The following LARGE1 variants were observed in gnomAD, a reference collection of about 807,000 sequenced individuals.
The protein encoded by LARGE1 is LARGE xylosyl- and glucuronyltransferase 1.
LARGE1 carries 43 observed loss-of-function variants against 87.6 expected under a neutral mutation model. The observed-to-expected ratio is 0.49, with a 90% confidence interval of 0.38 to 0.63. The LOEUF is 0.63. LARGE1 is among the 30% of genes least tolerant of loss of function. The probability of loss-of-function intolerance (pLI) is 0.00; values close to 1 mark genes in which losing one functional copy is unlikely to be tolerated. For missense variants in LARGE1, 802 were observed against 1,000.2 expected, an observed-to-expected ratio of 0.80 and a Z score of 2.67; for synonymous variants, 434 against 394.6, an observed-to-expected ratio of 1.10 and a Z score of -1.18.
rs535959406 is a variant in LARGE1, at chr22:33,621,170, A to G, written c.491+5074T>C. Among the ~76,000 whole-genome samples the G allele has an allele frequency of 2.6e-5, 4 of 152,370 alleles. No homozygotes were observed. The East Asian group carries it at 7.7e-4, about 29-fold the overall frequency. Reference sequence around the variant, plus strand: ...TTCAAAACTGAGTACATGGTTTACCATAAGAGAATGTTCCATTATTTATTC... The same window carrying G: ...TTCAAAACTGAGTACATGGTTTACCGTAAGAGAATGTTCCATTATTTATTC... On this transcript the variant is annotated intron_variant, in intron 4 of 14. Transcript: ENST00000397394.
At chr22:33,823,764 C>A (rs1333345917) in intron 1 of LARGE1, among the ~76,000 whole-genome samples, 4 of 152,166 alleles carry the variant, frequency 2.6e-5, no homozygotes, top group Non-Finnish European at 5.9e-5. Flanking sequence ...ATGGAGAGAG[C>A]TCTTTCTGCT....
chr22:33,433,456 C>T (rs911747171), intron 6 of LARGE1, among the ~76,000 whole-genome samples: 6 of 151,642 alleles, frequency 4.0e-5, no homozygotes, highest in Non-Finnish European at 7.4e-5. Flanking sequence ...ATTAGCCAGG[C>T]GTGGTGGCGG....
intron 2 of LARGE1, among the ~76,000 whole-genome samples, chr22:33,686,376 AC>A (rs1340091727): frequency 6.6e-6 from 1 of 151,818 alleles, no homozygotes; most frequent in East Asian, 1.9e-4. Context: ...CCCTGTCTCT[AC>A]TAAAGATACA....
intron 5 of LARGE1, among the ~76,000 whole-genome samples, chr22:33,580,019 A>G (rs2078467886): frequency 6.6e-6 from 1 of 152,212 alleles, no homozygotes; most frequent in Non-Finnish European, 1.5e-5. Flanking sequence ...ACTGTCTTCA[A>G]TACAAGCTGG....
At chr22:33,739,040 C>T (rs974559711) in intron 2 of LARGE1, among the ~76,000 whole-genome samples, 3 of 151,220 alleles carry the variant, frequency 2.0e-5, no homozygotes, top group African/African-American at 4.9e-5. Flanking sequence ...ATTTGCAAGC[C>T]GTGTAACCTC....
intron 2 of LARGE1, among the ~76,000 whole-genome samples, chr22:33,701,827 C>A (rs777167824): frequency 6.6e-6 from 1 of 152,192 alleles, no homozygotes; most frequent in Non-Finnish European, 1.5e-5. Flanking sequence ...AGGGAAGCAA[C>A]ATGGCAGTCC....
At chr22:33,690,815 G>A (rs901172337) in intron 2 of LARGE1, among the ~76,000 whole-genome samples, 4 of 152,146 alleles carry the variant, frequency 2.6e-5, no homozygotes, top group African/African-American at 9.7e-5. Flanking sequence ...GTTGCAGGCT[G>A]GCACCTTCTT....
At chr22:33,424,961 A>C (rs2092043) in intron 7 of LARGE1, among the ~76,000 whole-genome samples, 59,754 of 151,964 alleles carry the variant, frequency 0.39, 12,365 homozygotes, top group Non-Finnish European at 0.44. Flanking sequence ...GTGATTAATG[A>C]CCTTGTAAGA....
chr22:33,133,879 G>A, the LARGE1 span, among the ~76,000 whole-genome samples: 1 of 152,172 alleles, frequency 6.6e-6, no homozygotes, highest in Admixed American at 6.5e-5. Context: ...TAAAGAGAAT[G>A]TGTGCTGGGT....
At chr22:33,865,276 C>T (rs550772176) in intron 1 of LARGE1, among the ~76,000 whole-genome samples, 1 of 152,328 alleles carries the variant, frequency 6.6e-6, no homozygotes, top group South Asian at 2.1e-4. Context: ...TTCCCTCCAG[C>T]AAGACTGCAG....
At chr22:33,252,251 T>TCCCCCC (rs34458283) in intron 11 of LARGE1, among the ~76,000 whole-genome samples, 6 of 111,522 alleles carry the variant, frequency 5.4e-5, no homozygotes, top group Middle Eastern at 4.6e-3. Flanking sequence ...ATTCCTTCAT[T>TCCCCCC]CCCCCCCCCC....
At chr22:33,136,880 C>T in the LARGE1 span, among the ~76,000 whole-genome samples, 3 of 151,286 alleles carry the variant, frequency 2.0e-5, no homozygotes, top group Non-Finnish European at 4.4e-5. Flanking sequence ...GTTTTGAGGG[C>T]TCTGTTAGGG....
intron 5 of LARGE1, among the ~76,000 whole-genome samples, chr22:33,570,910 C>T (rs1348241404): frequency 1.3e-5 from 2 of 152,032 alleles, no homozygotes; most frequent in Admixed American, 6.6e-5. Context: ...AGAGCACCCT[C>T]GAAGGCAGGC....
chr22:33,475,466 ATTTATTT>A (rs932258029), intron 6 of LARGE1, among the ~76,000 whole-genome samples: 19 of 144,766 alleles, frequency 1.3e-4, no homozygotes, highest in Non-Finnish European at 2.1e-4. Flanking sequence ...TTATTTATTT[ATTTATTT>A]ATTTTGAGAT....
chr22:33,910,383 G>GCACA (rs1290718236), intron 1 of LARGE1, among the ~76,000 whole-genome samples: 4 of 152,164 alleles, frequency 2.6e-5, no homozygotes, highest in Non-Finnish European at 2.9e-5. Context: ...AGATGGCCAA[G>GCACA]CACAGCCTTT....
At chr22:33,220,754 C>T (rs1453179600) in intron 11 of LARGE1, among the ~76,000 whole-genome samples, 1 of 152,226 alleles carries the variant, frequency 6.6e-6, no homozygotes, top group Non-Finnish European at 1.5e-5. Context: ...GAATCAATCT[C>T]TGAATCTTGT....
At chr22:33,810,960 G>A (rs1418474402) in intron 1 of LARGE1, among the ~76,000 whole-genome samples, 1 of 152,152 alleles carries the variant, frequency 6.6e-6, no homozygotes, top group Non-Finnish European at 1.5e-5. Flanking sequence ...CTGACCTTGT[G>A]ATCTACCCGC....
chr22:33,389,100 G>C (rs974355750), intron 7 of LARGE1, among the ~76,000 whole-genome samples: 3 of 152,212 alleles, frequency 2.0e-5, no homozygotes, highest in African/African-American at 7.2e-5. Context: ...GAAGCTGTCT[G>C]AGGAAACACC....
chr22:33,705,592 G>A (rs1220664494), intron 2 of LARGE1, among the ~76,000 whole-genome samples: 1 of 152,200 alleles, frequency 6.6e-6, no homozygotes, highest in African/African-American at 2.4e-5. Flanking sequence ...AAAGCGACTT[G>A]TCCAAGGCAA....
Sources: allele counts gnomAD v4.1 joint callset (sites outside exome capture counted in the v4.1 genomes callset), GRCh38; gene constraint gnomAD v4.1.1; transcripts MANE v1.5; gene names NCBI Gene and HGNC (gene_info 2026-07-23, HGNC 2026-07-21).